CACNA1C: variants seen among roughly 807,000 people sequenced by gnomAD.
CACNA1C encodes the protein calcium voltage-gated channel subunit alpha1 C, also known as voltage-dependent L-type calcium channel subunit alpha-1C.
In CACNA1C, 30 loss-of-function variants were observed where a neutral mutation model predicts 229.0. That is an observed-to-expected ratio of 0.13 (90% CI 0.10 to 0.18). The LOEUF (loss-of-function observed/expected upper bound fraction) is 0.18. Ranked by LOEUF, CACNA1C falls within the 10% of genes least tolerant of loss-of-function variation. CACNA1C has a pLI of 1.00. For missense variants in CACNA1C, 1,658 were observed against 2,845.0 expected, an observed-to-expected ratio of 0.58 and a Z score of 9.49; for synonymous variants, 1,114 against 1,132.5, an observed-to-expected ratio of 0.98 and a Z score of 0.33.
At chr12:2,231,912 C>T (rs983002478) in intron 3 of CACNA1C, among the ~76,000 whole-genome samples, 4 of 152,068 alleles carry the variant, frequency 2.6e-5, no homozygotes, top group Non-Finnish European at 4.4e-5. Flanking sequence ...CTTAGTTTGT[C>T]TTTTTATTTT....
chr12:2,221,828 A>G (rs1200772796), intron 3 of CACNA1C: 1 of 152,238 alleles, frequency 6.6e-6, no homozygotes, highest in Non-Finnish European at 1.5e-5. Flanking sequence ...CTAAGTTAGG[A>G]TGCGTCCATA....
intron 3 of CACNA1C, among the ~76,000 whole-genome samples, chr12:2,295,802 TA>T (rs1475673323): frequency 1.3e-5 from 2 of 152,216 alleles, no homozygotes; most frequent in African/African-American, 4.8e-5. Context: ...ATGTGGCTAG[TA>T]AGTGGCAAAT....
chr12:2,599,866 G>C (rs1167916665), intron 21 of CACNA1C, among the ~76,000 whole-genome samples: 1 of 152,160 alleles, frequency 6.6e-6, no homozygotes, highest in Admixed American at 6.5e-5. Context: ...CTCTTCCTCT[G>C]GCCCTGCCTG....
Position 2,691,217 on chromosome 12 carries a change from G to A in CACNA1C, c.*18G>A, listed in dbSNP as rs536996461. On this transcript the variant is annotated 3_prime_UTR_variant, in exon 47 of 47. Transcript: ENST00000399655. The stretch of plus-strand genomic sequence containing the variant: ...GCCTGTAGTGGGCGCTGCCAGATGC[G>A]GGCTTTTTTTTATTTGTTTCAATGT... 5 of 1,520,910 alleles carry A rather than the reference G, an allele frequency of 3.3e-6. No individual in the cohort carries two copies. Among genetic ancestry groups the A allele is most frequent in the Non-Finnish European group, 4.4e-6 (5 of 1,136,892 alleles). The allele number at this position is 1,520,910 out of a possible 1,614,324, so 94.2% of individuals were successfully genotyped here.
At position 2,285,701 on chromosome 12, in the gene CACNA1C, T is replaced by G. The variant is rs2092553892; in HGVS notation, c.478-163275T>G. Among the ~76,000 whole-genome samples the G allele has an allele frequency of 6.6e-6, 1 of 152,192 alleles. No individual in the cohort carries two copies. The highest frequency in any genetic ancestry group is 2.1e-4 in the South Asian group (1 of 4,824). On this transcript the variant is annotated intron_variant, in intron 3 of 46. Coordinates refer to ENST00000399655, the MANE Select transcript of CACNA1C (RefSeq NM_000719.7). This position sits in a 1 kb window ranked among gnomAD's most constrained non-coding sequence, Gnocchi z 4.2. ...CGTTCCCTGGTCTCCAAACCCCATGTTCTTATCTGACGGTATTTCTACTCT... is the reference window on the plus strand; with the variant it reads ...CGTTCCCTGGTCTCCAAACCCCATGGTCTTATCTGACGGTATTTCTACTCT...
intron 1 of CACNA1C, among the ~76,000 whole-genome samples, chr12:2,001,633 G>C (rs566240749): frequency 1.3e-5 from 2 of 152,152 alleles, no homozygotes; most frequent in Admixed American, 1.3e-4. Flanking sequence ...CATGTAGCAC[G>C]TGAGTCACCT....
At chr12:2,434,722 A>G (rs533542789) in intron 3 of CACNA1C, among the ~76,000 whole-genome samples, 9 of 152,266 alleles carry the variant, frequency 5.9e-5, no homozygotes, top group African/African-American at 1.4e-4. Context: ...TGAGCCTTTC[A>G]TTCTTCCAGC....
At position 2,067,281 on chromosome 12, in the gene CACNA1C, G is replaced by A. The variant is rs1399540088; in HGVS notation, c.49+13670G>A. ...CCCCCAGCCTGCCTCCATCCCAGGT[G>A]GATTAGTCATCAGAATAGCCAATGG... is the stretch of plus-strand genomic sequence containing the variant. On this transcript the variant is annotated intron_variant, in intron 1 of 46. Transcript: ENST00000399655. This position sits in a 1 kb window ranked among gnomAD's most constrained non-coding sequence, Gnocchi z 5.3. Among the ~76,000 whole-genome samples, 1 of 152,108 alleles carries A rather than the reference G, an allele frequency of 6.6e-6. No individual in the cohort carries two copies. The highest frequency in any genetic ancestry group is 1.5e-5 in the Non-Finnish European group (1 of 68,008).
At position 2,597,374 on chromosome 12, in the gene CACNA1C, C is replaced by A; in HGVS notation, c.2853+85C>A. On this transcript the variant is annotated intron_variant, in intron 21 of 46. Coordinates refer to ENST00000399655, the MANE Select transcript of CACNA1C (RefSeq NM_000719.7). The surrounding 1 kb of genome is among the most constrained non-coding windows in gnomAD (Gnocchi z 4.3). ...CCGCTGTCTGTCGCTAACACACATG[C>A]TCCTTCCTGTTGGTGTGGGGTTCAC... 1 of 1,499,586 alleles carries A rather than the reference C, an allele frequency of 6.7e-7. No individual in the cohort carries two copies. The highest frequency in any genetic ancestry group is 9.3e-7 in the Non-Finnish European group (1 of 1,075,818). 92.9% of individuals were successfully genotyped at this position (1,499,586 alleles called of 1,614,324 possible).
At chr12:2,521,333 A>G (rs1351673616) in intron 9 of CACNA1C, among the ~76,000 whole-genome samples, 1 of 151,948 alleles carries the variant, frequency 6.6e-6, no homozygotes, top group Non-Finnish European at 1.5e-5. Context: ...AGCCACCGGG[A>G]CCTCTCCTGC....
At chr12:1,988,107 T>C (rs1448351133) in intron 1 of CACNA1C, among the ~76,000 whole-genome samples, 1 of 152,226 alleles carries the variant, frequency 6.6e-6, no homozygotes, top group Non-Finnish European at 1.5e-5. Context: ...GGATGATTTG[T>C]ATATCAGTCA....
intron 1 of CACNA1C, among the ~76,000 whole-genome samples, chr12:2,079,811 G>C (rs2064772134): frequency 6.6e-6 from 1 of 152,160 alleles, no homozygotes; most frequent in African/African-American, 2.4e-5. Flanking sequence ...GGACCCTTCA[G>C]ACTTTTATAA....
intron 3 of CACNA1C, among the ~76,000 whole-genome samples, chr12:2,229,806 G>A (rs562690173): frequency 6.6e-6 from 1 of 152,314 alleles, no homozygotes; most frequent in Non-Finnish European, 1.5e-5. Context: ...CAGGGTGGGC[G>A]CTGGTTGCAG....
At chr12:2,638,179 T>TA in intron 30 of CACNA1C, among the ~76,000 whole-genome samples, 1 of 152,336 alleles carries the variant, frequency 6.6e-6, no homozygotes, top group Non-Finnish European at 1.5e-5. Flanking sequence ...TACGGTGTGT[T>TA]AGAAGATGAT....
chr12:2,040,275 C>A (rs1169306129), intron 1 of CACNA1C, among the ~76,000 whole-genome samples: 1 of 151,992 alleles, frequency 6.6e-6, no homozygotes, highest in African/African-American at 2.4e-5. Flanking sequence ...TCTGTGCTTC[C>A]CAAACTCTTT....
intron 3 of CACNA1C, among the ~76,000 whole-genome samples, chr12:2,154,227 C>G (rs981224670): frequency 6.6e-6 from 1 of 152,146 alleles, no homozygotes. Context: ...AAACAAACAA[C>G]GAAGAAATCC....
At chr12:2,499,851 C>A (rs1391424660) in intron 7 of CACNA1C, among the ~76,000 whole-genome samples, 1 of 152,084 alleles carries the variant, frequency 6.6e-6, no homozygotes, top group Non-Finnish European at 1.5e-5. Context: ...TTAATAGCTC[C>A]ATTTCAGCTG....
chr12:2,604,124 A>G (rs1266542436), intron 22 of CACNA1C, among the ~76,000 whole-genome samples: 2 of 152,168 alleles, frequency 1.3e-5, no homozygotes, highest in East Asian at 1.9e-4. Flanking sequence ...GTTTTTATAC[A>G]GAAAAGGAGA....
chr12:2,087,064 G>T (rs1220863413), intron 1 of CACNA1C, among the ~76,000 whole-genome samples: 1 of 152,028 alleles, frequency 6.6e-6, no homozygotes, highest in Non-Finnish European at 1.5e-5. Flanking sequence ...TATCTCCCAG[G>T]CTGGGTTTTT....
Sources: allele counts gnomAD v4.1 joint callset (sites outside exome capture counted in the v4.1 genomes callset), GRCh38; gene constraint gnomAD v4.1.1; non-coding constraint Gnocchi (gnomAD v3.1); transcripts MANE v1.5; gene names NCBI Gene and HGNC (gene_info 2026-07-23, HGNC 2026-07-21).